Variants in UROS observed in about 807,000 individuals in gnomAD.
The protein encoded by UROS is uroporphyrinogen-III synthase.
A neutral mutation model predicts 33.0 loss-of-function variants in UROS; 18 were observed. That is an observed-to-expected ratio of 0.55 (90% CI 0.38 to 0.81). The LOEUF is 0.81. UROS is among the 30% of genes least tolerant of loss of function. UROS has a pLI of 0.00. For synonymous variants in UROS, 114 were observed against 121.1 expected, an observed-to-expected ratio of 0.94 and a Z score of 0.38; for missense variants, 293 against 314.9, an observed-to-expected ratio of 0.93 and a Z score of 0.53.
At chr10:125,787,777 A>G (rs1195716630), downstream of UROS, among the ~76,000 whole-genome samples, 2 of 152,178 alleles carry the variant, frequency 1.3e-5, no homozygotes, top group African/African-American at 4.8e-5. Flanking sequence ...TTCTCAAAGA[A>G]TTTCTGTATA....
At chr10:125,820,939 T>C (rs1031470148) in intron 1 of UROS, among the ~76,000 whole-genome samples, 1 of 152,244 alleles carries the variant, frequency 6.6e-6, no homozygotes, top group African/African-American at 2.4e-5. Context: ...ACTTTCACAT[T>C]CACTATTCTA....
intron 7 of UROS, 48 bp from the exon 8 acceptor site, chr10:125,796,236 A>G (rs1851350275): frequency 6.4e-7 from 1 of 1,559,270 alleles, no homozygotes; most frequent in Non-Finnish European, 8.8e-7. Context: ...TGGGCACACA[A>G]TGGGGCCTCC....
chr10:125,808,752 A>C (rs1852550843), intron 5 of UROS, among the ~76,000 whole-genome samples: 3 of 152,270 alleles, frequency 2.0e-5, no homozygotes, highest in Admixed American at 6.5e-5. Flanking sequence ...GAAGGAAGCT[A>C]TTAAGCAGTG....
intron 1 of UROS, among the ~76,000 whole-genome samples, chr10:125,817,614 G>A (rs544353930): frequency 8.5e-6 from 1 of 117,546 alleles, no homozygotes; most frequent in East Asian, 2.5e-4. Context: ...ACTCAAAGAA[G>A]ATAAAAACAG....
intron 6 of UROS, among the ~76,000 whole-genome samples, chr10:125,801,037 C>T (rs557353237): frequency 5.9e-5 from 9 of 152,306 alleles, no homozygotes; most frequent in South Asian, 2.1e-4. Flanking sequence ...TACTGAAGGA[C>T]GTGCACACAT....
chr10:125,795,293 C>T lies in UROS; in HGVS notation c.562-315G>A, dbSNP rs7342097. The T allele has an allele frequency of 5.2e-4, 210 of 407,578 alleles. 3 individuals carry two copies. Among genetic ancestry groups the T allele is most frequent in the African/African-American group, 3.9e-3 (188 of 48,798 alleles). The allele number at this position is 407,578 out of a possible 1,614,324, so 25.2% of individuals were successfully genotyped here. ...AATGCCTCTAGCTCCTGTGGTCATA[C>T]GGCACTGATCACATGAGGCAGTGGT... On this transcript the variant is annotated intron_variant, in intron 8 of 9. Transcript: ENST00000368797.
intron 5 of UROS, among the ~76,000 whole-genome samples, chr10:125,809,905 T>C (rs1163611904): frequency 6.6e-6 from 1 of 152,190 alleles, no homozygotes; most frequent in African/African-American, 2.4e-5. Flanking sequence ...CAATAATACC[T>C]GTAAAATTAT....
intron 6 of UROS, chr10:125,801,914 G>A (rs555392572): frequency 6.5e-5 from 48 of 735,714 alleles, no homozygotes; most frequent in East Asian, 2.6e-4. Flanking sequence ...GTTCACTTCT[G>A]TCTCCTTACA....
At chr10:125,801,926 AC>A (rs1851868263) in intron 6 of UROS, 1 of 829,826 alleles carries the variant, frequency 1.2e-6, no homozygotes, top group African/African-American at 1.8e-5. Context: ...CTCCTTACAA[AC>A]AAACTGTGGG....
At chr10:125,816,095 C>G in intron 3 of UROS, 82 bp downstream of exon 3, 1 of 1,292,110 alleles carries the variant, frequency 7.7e-7, no homozygotes, top group Non-Finnish European at 1.1e-6. Flanking sequence ...AATAAGAAGA[C>G]AGTAAAATAG....
At chr10:125,806,696 C>G (rs1159802122) in intron 6 of UROS, among the ~76,000 whole-genome samples, 1 of 152,142 alleles carries the variant, frequency 6.6e-6, no homozygotes, top group African/African-American at 2.4e-5. Context: ...ACTTCATGCT[C>G]TCATGGGGGT....
At chr10:125,821,641 A>C (rs1853908670) in intron 1 of UROS, among the ~76,000 whole-genome samples, 1 of 152,242 alleles carries the variant, frequency 6.6e-6, no homozygotes, top group African/African-American at 2.4e-5. Flanking sequence ...TTTTACCACC[A>C]TAAAAAAAGT....
At chr10:125,822,498 T>G (rs1854044854) in intron 1 of UROS, among the ~76,000 whole-genome samples, 1 of 152,094 alleles carries the variant, frequency 6.6e-6, no homozygotes, top group Admixed American at 6.5e-5. Flanking sequence ...AGTTTTTGTA[T>G]TTTTAGTAGA....
chr10:125,789,277 G>A, intron 9 of UROS: 2 of 1,393,518 alleles, frequency 1.4e-6, no homozygotes, highest in Non-Finnish European at 1.9e-6. Flanking sequence ...CCAGGCTGGT[G>A]CTCACCATCA....
At position 125,797,827 on chromosome 10, in the gene UROS, C is replaced by A. The variant is rs1043326769; in HGVS notation, c.475+238G>T. Reference sequence around the variant, plus strand: ...TCCTCTTGGTGAAGGACTGGAGACACACTGTGTGCTCCTAGCTTGAGCTAA... The same window carrying A: ...TCCTCTTGGTGAAGGACTGGAGACAAACTGTGTGCTCCTAGCTTGAGCTAA... On this transcript the variant is annotated intron_variant, in intron 7 of 9. Coordinates refer to ENST00000368797, the MANE Select transcript of UROS (RefSeq NM_000375.3). Among the ~76,000 whole-genome samples, 6 of 152,350 alleles carry A rather than the reference C, an allele frequency of 3.9e-5. No individual in the cohort carries two copies. The Middle Eastern group carries it at 0.014, about 345-fold the overall frequency.
chr10:125,785,806 T>C (rs10901431), downstream of UROS: 70,349 of 152,206 alleles, frequency 0.46, 16,580 homozygotes, highest in African/African-American at 0.53. Flanking sequence ...CTTCCCTGCA[T>C]GAACTTCTTC....
intron 1 of UROS, among the ~76,000 whole-genome samples, chr10:125,819,438 G>C (rs1443544791): frequency 6.6e-6 from 1 of 152,148 alleles, no homozygotes; most frequent in Non-Finnish European, 1.5e-5. Flanking sequence ...TTGGTGCCAC[G>C]TGACTCAGAT....
chr10:125,819,187 T>A (rs1398710141), intron 1 of UROS, among the ~76,000 whole-genome samples: 2 of 152,212 alleles, frequency 1.3e-5, no homozygotes, highest in Non-Finnish European at 2.9e-5. Flanking sequence ...TTTCAGCATG[T>A]TGGCCAGGAT....
At chr10:125,787,166 T>C (rs543677950), downstream of UROS, among the ~76,000 whole-genome samples, 1 of 152,338 alleles carries the variant, frequency 6.6e-6, no homozygotes, top group South Asian at 2.1e-4. Flanking sequence ...AGGACACACG[T>C]GTGGTGTTTA....
Sources: gnomAD v4.1 joint callset for allele counts (sites outside exome capture counted in the v4.1 genomes callset) on GRCh38, gnomAD v4.1.1 for gene constraint, MANE v1.5 for transcripts, NCBI Gene and HGNC (gene_info 2026-07-23, HGNC 2026-07-21) for gene names.